Variants in COG1 observed in about 807,000 individuals in gnomAD.
COG1 encodes the protein conserved oligomeric Golgi complex subunit 1.
COG1 carries 61 observed loss-of-function variants against 102.2 expected under a neutral mutation model. The observed-to-expected ratio is 0.60, with a 90% CI of 0.49 to 0.74. The LOEUF (loss-of-function observed/expected upper bound fraction) is 0.74, where lower values mean the gene tolerates loss of function less well. COG1 is among the 30% of genes least tolerant of loss of function. COG1 has a pLI of 0.00. For missense variants in COG1, 1,164 were observed against 1,232.1 expected, an observed-to-expected ratio of 0.94 and a Z score of 0.83; for synonymous variants, 454 against 493.6, an observed-to-expected ratio of 0.92 and a Z score of 1.06.
At chr17:73,202,966 G>A in intron 7 of COG1, 34 bp from the exon 8 acceptor site, 1 of 1,612,540 alleles carries the variant, frequency 6.2e-7, no homozygotes, top group Non-Finnish European at 8.5e-7. Context: ...GAGGATCTGA[G>A]TGGCTTGTAT....
chr17:73,196,117 G>C (rs2061323969), intron 1 of COG1, among the ~76,000 whole-genome samples: 1 of 152,146 alleles, frequency 6.6e-6, no homozygotes, highest in African/African-American at 2.4e-5. Context: ...TCCTCACGTG[G>C]GGGAAGGTAG....
chr17:73,205,559 G>C lies in COG1; in HGVS notation c.2389G>C (p.Gly797Arg). Residue 797 changes from glycine (G) to arginine (R), a missense_variant, in exon 10 of 14, where the codon GGT becomes CGT. Transcript: ENST00000299886. ...LSEEKQIKKE[G>R]AFPVTQNRAL... ...ACTGGGAATTCATTTGCAGAAAGAA[G>C]GTGCATTTCCAGTCACCCAGAACCG... 2 of 1,614,128 alleles carry C rather than the reference G, an allele frequency of 1.2e-6. No homozygotes were observed. The highest frequency in any genetic ancestry group is 1.7e-6 in the Non-Finnish European group (2 of 1,180,030).
chr17:73,193,694 G>T (rs1314981943), intron 1 of COG1, among the ~76,000 whole-genome samples: 1 of 152,184 alleles, frequency 6.6e-6, no homozygotes, highest in African/African-American at 2.4e-5. Flanking sequence ...AAAACGCCAG[G>T]AGTTTCTGTC....
chr17:73,207,443 A>G, intron 13 of COG1, 187 bp downstream of exon 13: 1 of 717,572 alleles, frequency 1.4e-6, no homozygotes. Context: ...AAGGTGTAAA[A>G]GATGCCCGCT....
intron 1 of COG1, among the ~76,000 whole-genome samples, chr17:73,193,966 C>T (rs1355709471): frequency 2.0e-5 from 3 of 152,122 alleles, no homozygotes; most frequent in East Asian, 1.9e-4. Flanking sequence ...TGAGCCACCA[C>T]AGCCGGCCAA....
At chr17:73,207,651 T>C (rs2061385524) in intron 13 of COG1, 2 of 1,282,222 alleles carry the variant, frequency 1.6e-6, no homozygotes, top group Non-Finnish European at 2.0e-6. Context: ...AACAGAAAAT[T>C]TGTTTCCCCA....
At chr17:73,204,129 A>T (rs904418784) in intron 9 of COG1, among the ~76,000 whole-genome samples, 1 of 152,170 alleles carries the variant, frequency 6.6e-6, no homozygotes, top group South Asian at 2.1e-4. Context: ...TCACCACTGC[A>T]CTCCAGCCTG....
intron 10 of COG1, 174 bp from the exon 11 acceptor site, chr17:73,205,980 A>T: frequency 1.4e-6 from 1 of 697,922 alleles, no homozygotes; most frequent in Non-Finnish European, 2.5e-6. Flanking sequence ...GGTGGACTTC[A>T]CTTAGACATC....
At chr17:73,202,117 C>T (rs919967025) in intron 7 of COG1, among the ~76,000 whole-genome samples, 3 of 149,730 alleles carry the variant, frequency 2.0e-5, no homozygotes, top group Non-Finnish European at 3.0e-5. Flanking sequence ...ATGGGCAGAT[C>T]GCGAGGTCAG....
At chr17:73,208,048 T>G in intron 13 of COG1, 1 of 1,370,854 alleles carries the variant, frequency 7.3e-7, no homozygotes, top group Non-Finnish European at 9.4e-7. Context: ...CCACATTAGG[T>G]TAGCAGGCTG....
Position 73,203,017 on chromosome 17 carries a change from C to G in COG1, c.2091C>G (p.Phe697Leu), listed in dbSNP as rs747267766. The G allele has an allele frequency of 1.2e-6, 2 of 1,614,072 alleles. No homozygotes were observed. Among genetic ancestry groups the G allele is most frequent in the East Asian group, 4.5e-5 (2 of 44,876 alleles). The stretch of plus-strand genomic sequence containing the variant: ...ATTACCAGGTTTTGATTCATGGATT[C>G]ACCCAGTCATTACTTCTAGATGATG... The part of the protein sequence containing the change: ...SAVVKVLIHG[F>L]TQSLLLDDAG... Residue 697 changes from phenylalanine (F) to leucine (L), a missense_variant, in exon 8 of 14, where the codon TTC becomes TTG. Phe to Leu is a conservative substitution (Grantham distance 22). Transcript: ENST00000299886.
rs1679018418 is a variant in COG1, at chr17:73,207,685, T to C, written c.2805+429T>C. 2.3e-6 allele frequency: 3 copies of C among 1,293,720 alleles called. No individual in the cohort carries two copies. In the African/African-American group the frequency reaches 4.5e-5, roughly 20 times the overall value. The allele number at this position is 1,293,720 out of a possible 1,614,324, so 80.1% of individuals were successfully genotyped here. The stretch of plus-strand genomic sequence containing the variant: ...CAAAAGTTTGACATTTTCTTGTTAA[T>C]ACACGTTTCATTTCAGTACGATGCC... On this transcript the variant is annotated intron_variant, in intron 13 of 13. Coordinates refer to ENST00000299886, the MANE Select transcript of COG1 (RefSeq NM_018714.3).
chr17:73,197,207 G>T lies in COG1; in HGVS notation c.743-19G>T, dbSNP rs1568295342. On this transcript the variant is annotated intron_variant, in intron 3 of 13. Coordinates refer to ENST00000299886, the MANE Select transcript of COG1 (RefSeq NM_018714.3). ...TTGGGAAAGGTAATTGTTTCAAAGA[G>T]GATGGTTTCTTCTTTTAGGTGCTGG... is the stretch of plus-strand genomic sequence containing the variant. 6 of 1,614,162 alleles carry T rather than the reference G, an allele frequency of 3.7e-6. No homozygotes were observed. The highest frequency in any genetic ancestry group is 1.7e-5 in the Admixed American group (1 of 60,026).
chr17:73,198,112 G>C (rs902896502), intron 4 of COG1, among the ~76,000 whole-genome samples: 7 of 152,206 alleles, frequency 4.6e-5, no homozygotes, highest in African/African-American at 1.7e-4. Context: ...AGCTCACTTA[G>C]GAGGCTGTTG....
intron 1 of COG1, among the ~76,000 whole-genome samples, chr17:73,194,160 T>TTTTTTTTTTTTTTGAGACGGAGTCTC (rs1401190625): frequency 2.4e-4 from 35 of 147,242 alleles, no homozygotes; most frequent in Admixed American, 3.4e-4. Flanking sequence ...GAATTTTTAT[T>TTTTTTTTTTTTTTGAGACGGAGTCTC]GGCCGGGTGC....
chr17:73,207,722 C>G (rs1050477437), intron 13 of COG1: 14 of 1,291,760 alleles, frequency 1.1e-5, no homozygotes, highest in African/African-American at 3.0e-5. Flanking sequence ...ACTGTTAAGC[C>G]TGCAGGAATC....
At position 73,200,552 on chromosome 17, in the gene COG1, T is replaced by C. The variant is rs764600081; in HGVS notation, c.1071-14T>C. Reference sequence around the variant, plus strand: ...TGCCTCTGATGGAGCCCAAAGAACATGATTCTGTTGCAGGTGTAATGAAGA... The same window carrying C: ...TGCCTCTGATGGAGCCCAAAGAACACGATTCTGTTGCAGGTGTAATGAAGA... On this transcript the variant is annotated splice_polypyrimidine_tract_variant and intron_variant, in intron 5 of 13. Coordinates refer to ENST00000299886, the MANE Select transcript of COG1 (RefSeq NM_018714.3). The C allele has an allele frequency of 3.1e-6, 5 of 1,611,236 alleles. No individual in the cohort carries two copies. In the East Asian group the frequency reaches 6.7e-5, roughly 22 times the overall value.
Position 73,207,225 on chromosome 17 carries a change from AATC to A in COG1, c.2776_2778del (p.Ser926del). On this transcript the variant is annotated inframe_deletion, in exon 13 of 14. Transcript: ENST00000299886. ...AGCATGACAAGCACTCGAAAGGCTAAATCAACCAGAAACATCGAAACAAAAGCT... is the reference window on the plus strand; with the variant it reads ...AGCATGACAAGCACTCGAAAGGCTAAAACCAGAAACATCGAAACAAAAGCT... 6.2e-7 allele frequency: 1 copy of A among 1,614,122 alleles called. No individual in the cohort carries two copies. The highest frequency in any genetic ancestry group is 1.7e-5 in the Admixed American group (1 of 60,010).
At chr17:73,205,733 A>AGTCCCTTTT (rs1460818386) in intron 10 of COG1, 53 bp downstream of exon 10, 1 of 1,609,238 alleles carries the variant, frequency 6.2e-7, no homozygotes, top group East Asian at 2.2e-5. Flanking sequence ...AAAAGCAAAT[A>AGTCCCTTTT]GTCCCTTTGC....
Sources: allele counts gnomAD v4.1 joint callset (sites outside exome capture counted in the v4.1 genomes callset), GRCh38; gene constraint gnomAD v4.1.1; transcripts MANE v1.5; gene names NCBI Gene and HGNC (gene_info 2026-07-23, HGNC 2026-07-21).